Variants in CNTN5 observed in about 807,000 individuals in gnomAD.
CNTN5 encodes the protein contactin-5.
CNTN5 carries 77 observed loss-of-function variants against 129.1 expected under a neutral mutation model. That is an observed-to-expected ratio of 0.60 (90% confidence interval 0.50 to 0.72). The LOEUF (loss-of-function observed/expected upper bound fraction) is 0.72. Ranked by LOEUF, CNTN5 falls within the 30% of genes least tolerant of loss-of-function variation. CNTN5 has a pLI of 0.00. For synonymous variants in CNTN5, 509 were observed against 465.6 expected, an observed-to-expected ratio of 1.09 and a Z score of -1.20; for missense variants, 1,478 against 1,328.8, an observed-to-expected ratio of 1.11 and a Z score of -1.75.
intron 21 of CNTN5, among the ~76,000 whole-genome samples, chr11:100,339,297 G>A (rs1952108087): frequency 6.6e-6 from 1 of 152,076 alleles, no homozygotes; most frequent in Non-Finnish European, 1.5e-5. Flanking sequence ...TCATATGGAT[G>A]AACTGAATGA....
intron 6 of CNTN5, among the ~76,000 whole-genome samples, chr11:99,868,207 A>G (rs766532971): frequency 1.4e-4 from 21 of 150,650 alleles, no homozygotes; most frequent in Non-Finnish European, 2.4e-4. Context: ...CAAGAACAAA[A>G]CTCCATCTCA....
chr11:99,936,406 C>T (rs1328799480), intron 7 of CNTN5, among the ~76,000 whole-genome samples: 1 of 151,990 alleles, frequency 6.6e-6, no homozygotes, highest in Non-Finnish European at 1.5e-5. Flanking sequence ...GAATATTATC[C>T]AATTAATTCT....
chr11:100,118,555 A>C (rs1718495130), intron 13 of CNTN5, among the ~76,000 whole-genome samples: 1 of 151,952 alleles, frequency 6.6e-6, no homozygotes, highest in Non-Finnish European at 1.5e-5. Flanking sequence ...TTTTAGACTT[A>C]TCTATTGTCT....
At chr11:99,840,698 C>T (rs1403497321) in intron 4 of CNTN5, among the ~76,000 whole-genome samples, 1 of 152,000 alleles carries the variant, frequency 6.6e-6, no homozygotes, top group Non-Finnish European at 1.5e-5. Context: ...TGACATCTGC[C>T]CATTACACAA....
rs751026826 is a variant in CNTN5 at position 99,871,343 on chromosome 11, G to T, written c.577+26081G>T. Among the ~76,000 whole-genome samples the T allele has an allele frequency of 3.1e-4, 47 of 151,954 alleles. 1 individual carries two copies. Among genetic ancestry groups the T allele is most frequent in the Non-Finnish European group, 2.9e-4 (20 of 67,942 alleles). On this transcript the variant is annotated intron_variant, in intron 6 of 24. Transcript: ENST00000524871. ...AAGATTGATTAAAATACAGACCCTG[G>T]TTAATATAATCATTATTCAGATGAT...
intron 6 of CNTN5, among the ~76,000 whole-genome samples, chr11:99,864,322 C>T (rs1948296713): frequency 1.3e-5 from 2 of 152,046 alleles, no homozygotes; most frequent in African/African-American, 4.8e-5. Flanking sequence ...TTACTACTCC[C>T]TTTCTGTGCC....
intron 3 of CNTN5, among the ~76,000 whole-genome samples, chr11:99,716,017 A>G (rs1365463983): frequency 2.9e-5 from 2 of 68,024 alleles, no homozygotes; most frequent in East Asian, 3.6e-3. Context: ...GACTTTAGTC[A>G]TCTAATTTAA....
chr11:99,865,195 G>A (rs1948322313), intron 6 of CNTN5, among the ~76,000 whole-genome samples: 1 of 151,958 alleles, frequency 6.6e-6, no homozygotes, highest in Admixed American at 6.6e-5. Context: ...TGCTTCAATA[G>A]CATCATACCT....
intron 3 of CNTN5, among the ~76,000 whole-genome samples, chr11:99,673,780 C>T (rs1156736284): frequency 2.0e-5 from 3 of 151,348 alleles, no homozygotes; most frequent in Non-Finnish European, 4.4e-5. Flanking sequence ...AAAAAAAGAT[C>T]TCATCCTTTT....
intron 3 of CNTN5, among the ~76,000 whole-genome samples, chr11:99,661,965 G>A (rs568912264): frequency 9.7e-4 from 148 of 152,194 alleles, no homozygotes; most frequent in Middle Eastern, 3.4e-3. Context: ...TATCATGAGA[G>A]CAATAGAGCA....
At chr11:100,125,880 T>C (rs1414269773) in intron 13 of CNTN5, among the ~76,000 whole-genome samples, 1 of 152,132 alleles carries the variant, frequency 6.6e-6, no homozygotes, top group Non-Finnish European at 1.5e-5. Flanking sequence ...TTTTAGTTTT[T>C]CTAGGTGTGA....
intron 3 of CNTN5, among the ~76,000 whole-genome samples, chr11:99,637,785 TATA>T (rs1951619643): frequency 6.6e-6 from 1 of 151,592 alleles, no homozygotes; most frequent in Non-Finnish European, 1.5e-5. Flanking sequence ...ATTACTTATA[TATA>T]ATATTATCTA....
In CNTN5 at chr11:99,607,880, C is replaced by T. The variant is rs1386774387; in HGVS notation, c.55+51611C>T. On this transcript the variant is annotated intron_variant, in intron 3 of 24. Coordinates refer to ENST00000524871, the MANE Select transcript of CNTN5 (RefSeq NM_014361.4). ...AAACCAAACACCGCATATTCTCACT[C>T]ATAGGTGGGAATTGAACAATGAGAT... Among the ~76,000 whole-genome samples, 252 of 125,548 alleles carry T rather than the reference C, an allele frequency of 2.0e-3. 2 individuals carry two copies. In the East Asian group the frequency reaches 0.024, roughly 12 times the overall value. 82.4% of individuals were successfully genotyped at this position (125,548 alleles called of 152,430 possible).
chr11:100,096,482 C>G (rs1945014144), intron 13 of CNTN5, among the ~76,000 whole-genome samples: 1 of 151,204 alleles, frequency 6.6e-6, no homozygotes, highest in African/African-American at 2.5e-5. Flanking sequence ...TACTTCACAT[C>G]ATCCCCTGAT....
intron 13 of CNTN5, among the ~76,000 whole-genome samples, chr11:100,144,581 T>A (rs1267002022): frequency 1.3e-5 from 2 of 152,178 alleles, no homozygotes; most frequent in African/African-American, 2.4e-5. Context: ...TGAAAGGAGA[T>A]ACAGCATAAA....
At chr11:99,223,344 G>C (rs1274572484) in intron 1 of CNTN5, among the ~76,000 whole-genome samples, 2 of 152,076 alleles carry the variant, frequency 1.3e-5, no homozygotes, top group African/African-American at 2.4e-5. Flanking sequence ...TGATGACGTA[G>C]TTCTTACTTT....
intron 1 of CNTN5, among the ~76,000 whole-genome samples, chr11:99,209,480 G>T (rs1319042096): frequency 6.4e-5 from 1 of 15,692 alleles, no homozygotes; most frequent in South Asian, 3.8e-3. Flanking sequence ...AGTAGATCTT[G>T]CATGAACAGA....
intron 3 of CNTN5, among the ~76,000 whole-genome samples, chr11:99,792,822 A>T (rs755598267): frequency 6.6e-6 from 1 of 152,058 alleles, no homozygotes; most frequent in Non-Finnish European, 1.5e-5. Flanking sequence ...TGTTCTGTTC[A>T]GGGATTCACT....
At chr11:99,782,293 G>T (rs1162188057) in intron 3 of CNTN5, among the ~76,000 whole-genome samples, 1 of 146,656 alleles carries the variant, frequency 6.8e-6, no homozygotes, top group Admixed American at 6.8e-5. Flanking sequence ...CCTCTTCAAG[G>T]AGAACTACAA....
Sources: allele counts gnomAD v4.1 joint callset (sites outside exome capture counted in the v4.1 genomes callset), GRCh38; gene constraint gnomAD v4.1.1; transcripts MANE v1.5; gene names NCBI Gene and HGNC (gene_info 2026-07-23, HGNC 2026-07-21).